The following CYP2C19 variants were observed in gnomAD, a reference collection of about 807,000 sequenced individuals.
CYP2C19 encodes the protein cytochrome P450 2C19.
Under a neutral mutation model 40.9 loss-of-function variants are expected in CYP2C19, and 59 were observed. That is an observed-to-expected ratio of 1.44 (90% CI 1.17 to 1.79). The LOEUF is 1.79. Ranked by LOEUF, CYP2C19 falls within the 40% of genes most tolerant of loss-of-function variation. CYP2C19 has a pLI of 0.00. For synonymous variants in CYP2C19, 253 were observed against 208.7 expected, an observed-to-expected ratio of 1.21 and a Z score of -1.83; for missense variants, 754 against 596.9, an observed-to-expected ratio of 1.26 and a Z score of -2.74.
intron 7 of CYP2C19, among the ~76,000 whole-genome samples, chr10:94,843,732 A>G (rs887013087): frequency 6.6e-6 from 1 of 152,116 alleles, no homozygotes; most frequent in Non-Finnish European, 1.5e-5. Context: ...TTACTTTCCA[A>G]TTCTTGTGGG....
In CYP2C19 at chr10:94,810,738, T is replaced by C. The variant is rs188900333; in HGVS notation, c.820-9758T>C. Among the ~76,000 whole-genome samples the C allele has an allele frequency of 2.6e-3, 396 of 152,314 alleles. 2 individuals carry two copies. Among genetic ancestry groups the C allele is most frequent in the African/African-American group, 8.4e-3 (348 of 41,572 alleles). On this transcript the variant is annotated intron_variant, in intron 5 of 8. Coordinates refer to ENST00000371321, the MANE Select transcript of CYP2C19 (RefSeq NM_000769.4). ...CTGTAGGATCAGTGGTGATATCCCC[T>C]TTATCATTTTTTTGTTCTCTCTATT...
At chr10:94,771,676 TC>T (rs1263623827) in intron 1 of CYP2C19, among the ~76,000 whole-genome samples, 1 of 152,108 alleles carries the variant, frequency 6.6e-6, no homozygotes, top group African/African-American at 2.4e-5. Flanking sequence ...GACAAAACTC[TC>T]CATGGTTTTG....
chr10:94,775,849 A>G (rs1848400861), intron 3 of CYP2C19: 1 of 432,104 alleles, frequency 2.3e-6, no homozygotes, highest in Admixed American at 3.7e-5. Context: ...GAAAGAGTTA[A>G]AGAGCAGTGT....
At chr10:94,835,571 C>G (rs1351030532) in intron 6 of CYP2C19, among the ~76,000 whole-genome samples, 1 of 151,810 alleles carries the variant, frequency 6.6e-6, no homozygotes, top group Non-Finnish European at 1.5e-5. Flanking sequence ...CTTGGCGGTT[C>G]CCTTCTATTT....
chr10:94,773,110 C>T (rs1487888431), intron 1 of CYP2C19, among the ~76,000 whole-genome samples: 1 of 152,140 alleles, frequency 6.6e-6, no homozygotes, highest in African/African-American at 2.4e-5. Context: ...CTGACAGGTG[C>T]CCAGTATTTA....
At chr10:94,811,665 T>G (rs1312041728) in intron 5 of CYP2C19, among the ~76,000 whole-genome samples, 2 of 152,170 alleles carry the variant, frequency 1.3e-5, no homozygotes, top group Non-Finnish European at 2.9e-5. Context: ...CTTTGTTGGT[T>G]TAAAGTGTGT....
At chr10:94,830,189 C>G (rs888090488) in intron 6 of CYP2C19, among the ~76,000 whole-genome samples, 4 of 152,222 alleles carry the variant, frequency 2.6e-5, no homozygotes, top group South Asian at 2.1e-4. Context: ...CCACCCAGTT[C>G]CAGCTTCCTG....
In CYP2C19 at chr10:94,841,888, T is replaced by C. The variant is rs746966007; in HGVS notation, c.962-949T>C. Among the ~76,000 whole-genome samples the C allele has an allele frequency of 1.1e-4, 16 of 152,234 alleles. 1 individual carries two copies. The highest frequency in any genetic ancestry group is 2.2e-4 in the Non-Finnish European group (15 of 68,032). ...TATTATTTCAGTTTCTTTGAGTGTTTTAAGACTTGTTCTGTGACCTAATAT... is the reference window on the plus strand; with the variant it reads ...TATTATTTCAGTTTCTTTGAGTGTTCTAAGACTTGTTCTGTGACCTAATAT... On this transcript the variant is annotated intron_variant, in intron 6 of 8. Transcript: ENST00000371321.
intron 3 of CYP2C19, among the ~76,000 whole-genome samples, chr10:94,777,958 AAAC>A (rs1329319084): frequency 6.6e-6 from 1 of 151,228 alleles, no homozygotes. Flanking sequence ...GAAAAAAAGA[AAAC>A]AACAACAACA....
chr10:94,780,608 G>A lies in CYP2C19; in HGVS notation c.591G>A (p.Leu197=), dbSNP rs1422071385. 1.9e-6 allele frequency: 3 copies of A among 1,613,720 alleles called. No individual in the cohort carries two copies. The highest frequency in any genetic ancestry group is 2.7e-5 in the African/African-American group (2 of 74,972). ...FDYKDQQFLN[L]MEKLNENIRI... The stretch of plus-strand genomic sequence containing the variant: ...ATAAAGATCAGCAATTTCTTAACTT[G>A]ATGGAAAAATTGAATGAAAACATCA... The change falls in exon 4 of 9, where the codon TTG becomes TTA. Residue 197 remains leucine, a synonymous_variant. Transcript: ENST00000371321.
intron 7 of CYP2C19, 123 bp from the exon 8 acceptor site, chr10:94,849,794 G>A: frequency 8.3e-7 from 1 of 1,203,728 alleles, no homozygotes; most frequent in South Asian, 1.3e-5. Flanking sequence ...AAATGGTACT[G>A]CTCTTCTTTG....
At chr10:94,827,956 C>A (rs1849258001) in intron 6 of CYP2C19, among the ~76,000 whole-genome samples, 1 of 151,758 alleles carries the variant, frequency 6.6e-6, no homozygotes, top group Non-Finnish European at 1.5e-5. Flanking sequence ...TGTTCAGTTT[C>A]CATGTAGTTG....
intron 7 of CYP2C19, among the ~76,000 whole-genome samples, chr10:94,848,025 G>T (rs1411204121): frequency 6.6e-6 from 1 of 152,106 alleles, no homozygotes; most frequent in East Asian, 1.9e-4. Flanking sequence ...CATTCTGTAG[G>T]TTGCCTATTC....
chr10:94,798,178 C>T (rs752062782), intron 5 of CYP2C19, among the ~76,000 whole-genome samples: 1 of 152,056 alleles, frequency 6.6e-6, no homozygotes, highest in Non-Finnish European at 1.5e-5. Flanking sequence ...CCCAGAGATT[C>T]TAGTATATTG....
chr10:94,766,183 G>T (rs1319767163), intron 1 of CYP2C19, among the ~76,000 whole-genome samples: 1 of 152,060 alleles, frequency 6.6e-6, no homozygotes, highest in Non-Finnish European at 1.5e-5. Flanking sequence ...CATAAGCAGA[G>T]GTTGATAGAT....
Position 94,820,501 on chromosome 10 carries a change from G to C in CYP2C19, c.825G>C (p.Lys275Asn), listed in dbSNP as rs762323575. The change falls in exon 6 of 9, where the codon AAG becomes AAC. Residue 275 changes from lysine (K) to asparagine (N), a missense_variant. By Grantham distance (94) the Lys-to-Asn change is moderately conservative. Coordinates refer to ENST00000371321, the MANE Select transcript of CYP2C19 (RefSeq NM_000769.4). ...DCFLIKMEKE[K>N]QNQQSEFTIE... ...TTGCATCAAATCATTCCTAGGAAAA[G>C]CAAAACCAACAGTCTGAATTCACTA... 3 of 1,614,122 alleles carry C rather than the reference G, an allele frequency of 1.9e-6. No individual in the cohort carries two copies. Among genetic ancestry groups the C allele is most frequent in the South Asian group, 2.2e-5 (2 of 91,078 alleles).
chr10:94,843,885 A>T (rs1429021629), intron 7 of CYP2C19, among the ~76,000 whole-genome samples: 1 of 152,206 alleles, frequency 6.6e-6, no homozygotes, highest in Admixed American at 6.5e-5. Context: ...CAATATTGAA[A>T]ATGATGCTAG....
At chr10:94,823,867 C>A (rs187118615) in intron 6 of CYP2C19, among the ~76,000 whole-genome samples, 29 of 152,210 alleles carry the variant, frequency 1.9e-4, no homozygotes, top group African/African-American at 6.7e-4. Context: ...GCAATCAGAC[C>A]TCATATAGGA....
chr10:94,809,586 A>G (rs1188629944), intron 5 of CYP2C19, among the ~76,000 whole-genome samples: 1 of 151,868 alleles, frequency 6.6e-6, no homozygotes, highest in Non-Finnish European at 1.5e-5. Flanking sequence ...TGCCCTGGTC[A>G]GAACTTCCAA....
Sources: allele counts gnomAD v4.1 joint callset (sites outside exome capture counted in the v4.1 genomes callset), GRCh38; gene constraint gnomAD v4.1.1; transcripts MANE v1.5; gene names NCBI Gene and HGNC (gene_info 2026-07-23, HGNC 2026-07-21).